ZFPM2: variants seen among roughly 807,000 people sequenced by gnomAD.
ZFPM2 encodes zinc finger protein, FOG family member 2.
A neutral mutation model predicts 98.6 loss-of-function variants in ZFPM2; 20 were observed. The ratio of observed to expected loss-of-function variants is 0.20; its 90% CI spans 0.14 to 0.29. The LOEUF (loss-of-function observed/expected upper bound fraction) is 0.29, where lower values mean the gene tolerates loss of function less well. Among genes scored for constraint, ZFPM2 ranks in the 10% least tolerant of loss-of-function variants. The probability of loss-of-function intolerance (pLI) is 1.00; values close to 1 mark genes in which losing one functional copy is unlikely to be tolerated. For synonymous variants in ZFPM2, 518 were observed against 502.7 expected, an observed-to-expected ratio of 1.03 and a Z score of -0.41; for missense variants, 1,310 against 1,388.6, an observed-to-expected ratio of 0.94 and a Z score of 0.90.
intron 1 of ZFPM2, among the ~76,000 whole-genome samples, chr8:105,367,211 C>G (rs1394089039): frequency 1.4e-5 from 1 of 71,308 alleles, no homozygotes; most frequent in East Asian, 6.7e-4. Context: ...GATGCGGGCT[C>G]TTTTTTGGTT....
intron 6 of ZFPM2, chr8:105,797,355 G>A (rs986970622): frequency 2.0e-5 from 3 of 152,152 alleles, no homozygotes; most frequent in African/African-American, 7.2e-5. Flanking sequence ...ACCCTGTTGT[G>A]TTTCCCTTAG....
chr8:105,637,298 G>T (rs1162799578), intron 5 of ZFPM2, among the ~76,000 whole-genome samples: 1 of 151,860 alleles, frequency 6.6e-6, no homozygotes, highest in Non-Finnish European at 1.5e-5. Context: ...AAACCACTCG[G>T]GCTTTTATCC....
chr8:105,534,135 C>T (rs1814385221), intron 3 of ZFPM2, among the ~76,000 whole-genome samples: 1 of 70,132 alleles, frequency 1.4e-5, no homozygotes, highest in Non-Finnish European at 2.8e-5. Flanking sequence ...TCCTCCCTTC[C>T]TTCCTTTCTT....
At chr8:105,688,213 G>A (rs1359060680) in intron 5 of ZFPM2, among the ~76,000 whole-genome samples, 4 of 151,814 alleles carry the variant, frequency 2.6e-5, no homozygotes, top group Non-Finnish European at 4.4e-5. Flanking sequence ...AATAACACTG[G>A]GCCAATTAAG....
chr8:105,588,632 A>G (rs949452343), intron 4 of ZFPM2, among the ~76,000 whole-genome samples: 2 of 152,134 alleles, frequency 1.3e-5, no homozygotes, highest in Non-Finnish European at 2.9e-5. Flanking sequence ...TGATGCTGGA[A>G]TCAAACTTTC....
chr8:105,397,066 C>T (rs1161163014), intron 1 of ZFPM2, among the ~76,000 whole-genome samples: 1 of 152,114 alleles, frequency 6.6e-6, no homozygotes, highest in Non-Finnish European at 1.5e-5. Flanking sequence ...AAACACCACT[C>T]CTACAAACTC....
intron 1 of ZFPM2, among the ~76,000 whole-genome samples, chr8:105,395,781 C>T (rs1407028930): frequency 6.6e-6 from 1 of 152,182 alleles, no homozygotes; most frequent in Non-Finnish European, 1.5e-5. Context: ...CTTAGTTTTA[C>T]AGATGAGAAA....
chr8:105,378,636 GTATATTTC>G (rs1181241082), intron 1 of ZFPM2, among the ~76,000 whole-genome samples: 1 of 152,108 alleles, frequency 6.6e-6, no homozygotes, highest in East Asian at 1.9e-4. Context: ...GTGAGTATAT[GTATATTTC>G]TTTTAATAAT....
intron 3 of ZFPM2, among the ~76,000 whole-genome samples, chr8:105,478,103 A>C (rs1374659107): frequency 2.0e-5 from 3 of 152,172 alleles, no homozygotes; most frequent in Non-Finnish European, 4.4e-5. Context: ...ACTCTACTTC[A>C]TTGTTTTCCT....
At chr8:105,515,477 C>A (rs1813899540) in intron 3 of ZFPM2, among the ~76,000 whole-genome samples, 1 of 152,174 alleles carries the variant, frequency 6.6e-6, no homozygotes, top group Non-Finnish European at 1.5e-5. Context: ...TCCATCTACT[C>A]ACTCAGTATC....
At chr8:105,738,543 G>A (rs915717004) in intron 5 of ZFPM2, among the ~76,000 whole-genome samples, 1 of 152,046 alleles carries the variant, frequency 6.6e-6, no homozygotes, top group African/African-American at 2.4e-5. Flanking sequence ...ACCCAGTAAT[G>A]GGATTGCTGA....
chr8:105,409,858 T>C (rs116528255), intron 1 of ZFPM2, among the ~76,000 whole-genome samples: 81 of 151,896 alleles, frequency 5.3e-4, no homozygotes, highest in African/African-American at 1.9e-3. Flanking sequence ...AGTTACCAGG[T>C]GATGCTATTA....
At chr8:105,715,773 A>G (rs1331864163) in intron 5 of ZFPM2, among the ~76,000 whole-genome samples, 1 of 152,020 alleles carries the variant, frequency 6.6e-6, no homozygotes, top group Non-Finnish European at 1.5e-5. Context: ...AGTGGTTCTC[A>G]GAAAATCAGC....
rs780999906 is a variant in ZFPM2, at chr8:105,419,275, G to A, written c.172G>A (p.Glu58Lys). 7.4e-6 allele frequency: 12 copies of A among 1,613,344 alleles called. No homozygotes were observed. The highest frequency in any genetic ancestry group is 1.3e-5 in the African/African-American group (1 of 74,910). ...ATTTGGGCCTGAAAATCTGAGCTGC[G>A]AAGAAGTGGAATACTTTTGTAACAA... ...TEFGPENLSC[E>K]EVEYFCNKGD... Residue 58 changes from glutamate (E) to lysine (K), a missense_variant, in exon 2 of 8, where the codon GAA becomes AAA. By Grantham distance (56) the Glu-to-Lys change is moderately conservative (BLOSUM62 1). Coordinates refer to ENST00000407775, the MANE Select transcript of ZFPM2 (RefSeq NM_012082.4).
At chr8:105,742,956 T>C (rs1264654000) in intron 5 of ZFPM2, among the ~76,000 whole-genome samples, 2 of 151,830 alleles carry the variant, frequency 1.3e-5, no homozygotes, top group African/African-American at 4.8e-5. Context: ...CAGGAGCAAA[T>C]TGGGAGAGAA....
chr8:105,794,547 G>A (rs1215675483), intron 6 of ZFPM2, among the ~76,000 whole-genome samples: 1 of 152,216 alleles, frequency 6.6e-6, no homozygotes, highest in African/African-American at 2.4e-5. Context: ...CCCACTTGAG[G>A]AGGCAGTCTG....
intron 1 of ZFPM2, among the ~76,000 whole-genome samples, chr8:105,368,530 T>C (rs1348113415): frequency 3.3e-5 from 5 of 152,208 alleles, no homozygotes; most frequent in Non-Finnish European, 7.3e-5. Flanking sequence ...ACTTGCTTTA[T>C]ACCAAGCAAA....
chr8:105,764,381 G>C (rs1354755850), intron 5 of ZFPM2, among the ~76,000 whole-genome samples: 4 of 151,038 alleles, frequency 2.6e-5, no homozygotes, highest in African/African-American at 9.7e-5. Flanking sequence ...CAGAAGCAAT[G>C]TTTGCTGAAT....
rs143206837 is a variant in ZFPM2, at chr8:105,535,363, T to C, written c.302-26000T>C. On this transcript the variant is annotated intron_variant, in intron 3 of 7. Coordinates refer to ENST00000407775, the MANE Select transcript of ZFPM2 (RefSeq NM_012082.4). ...GAAGCCAGTGTTTCCAAATTAGTTCTAAACCTAAATGAGTAGAGTGAAAGC... is the reference window on the plus strand; with the variant it reads ...GAAGCCAGTGTTTCCAAATTAGTTCCAAACCTAAATGAGTAGAGTGAAAGC... Among the ~76,000 whole-genome samples, 359 of 152,278 alleles carry C rather than the reference T, an allele frequency of 2.4e-3. 3 individuals are homozygous for C. The highest frequency in any genetic ancestry group is 8.4e-3 in the African/African-American group (349 of 41,578).
Sources: allele counts gnomAD v4.1 joint callset (sites outside exome capture counted in the v4.1 genomes callset), GRCh38; gene constraint gnomAD v4.1.1; transcripts MANE v1.5; gene names NCBI Gene and HGNC (gene_info 2026-07-23, HGNC 2026-07-21).